The following LRRC4C variants were observed in gnomAD, a reference collection of about 807,000 sequenced individuals.
LRRC4C encodes the protein leucine-rich repeat-containing protein 4C.
A neutral mutation model predicts 33.6 loss-of-function variants in LRRC4C; 5 were observed. The observed-to-expected ratio is 0.15, with a 90% CI of 0.08 to 0.31. The LOEUF is 0.31. LRRC4C is among the 10% of genes least tolerant of loss of function. The pLI, the probability that LRRC4C is intolerant of heterozygous loss-of-function variation, is 1.00. For synonymous variants in LRRC4C, 329 were observed against 302.0 expected, an observed-to-expected ratio of 1.09 and a Z score of -0.93; for missense variants, 560 against 796.7, an observed-to-expected ratio of 0.70 and a Z score of 3.58.
chr11:41,187,846 G>T (rs1458471036), intron 1 of LRRC4C, among the ~76,000 whole-genome samples: 2 of 152,182 alleles, frequency 1.3e-5, no homozygotes, highest in Non-Finnish European at 2.9e-5. Context: ...TGAGCAGCAG[G>T]GTAGCAAAGA....
intron 5 of LRRC4C, among the ~76,000 whole-genome samples, chr11:40,224,568 A>T (rs918193616): frequency 6.6e-6 from 1 of 152,192 alleles, no homozygotes; most frequent in African/African-American, 2.4e-5. Context: ...TTTCCTCACT[A>T]TCTATAGGTA....
chr11:40,886,952 G>T (rs957646739), intron 2 of LRRC4C, among the ~76,000 whole-genome samples: 1 of 135,276 alleles, frequency 7.4e-6, no homozygotes, highest in Admixed American at 7.3e-5. Flanking sequence ...ATATATACAC[G>T]TGTGTGTATA....
chr11:40,591,969 T>A (rs1959078295), intron 3 of LRRC4C, among the ~76,000 whole-genome samples: 2 of 152,202 alleles, frequency 1.3e-5, no homozygotes, highest in African/African-American at 4.8e-5. Context: ...TTCCTTTGTG[T>A]TCTCTCTATG....
intron 2 of LRRC4C, among the ~76,000 whole-genome samples, chr11:40,773,703 T>C (rs1357052844): frequency 6.6e-6 from 1 of 152,062 alleles, no homozygotes; most frequent in Non-Finnish European, 1.5e-5. Context: ...CAGGATTTAA[T>C]AAAAACAGAA....
chr11:41,350,216 G>GA (rs1259006191), intron 1 of LRRC4C, among the ~76,000 whole-genome samples: 6 of 152,012 alleles, frequency 3.9e-5, no homozygotes, highest in Non-Finnish European at 1.5e-5. Flanking sequence ...AGATCTTTTT[G>GA]AAAAAATGTT....
At chr11:41,220,225 A>T (rs2136377596) in intron 1 of LRRC4C, among the ~76,000 whole-genome samples, 1 of 152,234 alleles carries the variant, frequency 6.6e-6, no homozygotes. Flanking sequence ...ACATGTACTA[A>T]CTCACTGATT....
chr11:40,300,518 A>G (rs1165857345), intron 4 of LRRC4C, among the ~76,000 whole-genome samples: 1 of 152,222 alleles, frequency 6.6e-6, no homozygotes, highest in Non-Finnish European at 1.5e-5. Flanking sequence ...CCATGTACAG[A>G]TCCAAAGAGT....
At chr11:40,420,835 C>A (rs1383598470) in intron 3 of LRRC4C, among the ~76,000 whole-genome samples, 1 of 152,144 alleles carries the variant, frequency 6.6e-6, no homozygotes, top group African/African-American at 2.4e-5. Context: ...ATACTACATC[C>A]TTGGCCAACA....
At chr11:40,634,396 G>A (rs1963768293) in intron 3 of LRRC4C, among the ~76,000 whole-genome samples, 2 of 152,104 alleles carry the variant, frequency 1.3e-5, no homozygotes, top group Admixed American at 6.5e-5. Context: ...AAGGAAGTTG[G>A]TTTTAGGGTT....
At chr11:40,622,841 A>T (rs1392059634) in intron 3 of LRRC4C, among the ~76,000 whole-genome samples, 2 of 151,882 alleles carry the variant, frequency 1.3e-5, no homozygotes, top group Non-Finnish European at 2.9e-5. Context: ...CATAGCTAGT[A>T]AAATCTTAAC....
At chr11:40,641,745 G>C (rs1942133292) in intron 3 of LRRC4C, among the ~76,000 whole-genome samples, 1 of 152,170 alleles carries the variant, frequency 6.6e-6, no homozygotes, top group African/African-American at 2.4e-5. Context: ...CTCTCCATCA[G>C]GGTTCTTGCT....
At chr11:41,263,924 G>T (rs1949064263) in intron 1 of LRRC4C, among the ~76,000 whole-genome samples, 1 of 152,004 alleles carries the variant, frequency 6.6e-6, no homozygotes, top group Non-Finnish European at 1.5e-5. Flanking sequence ...AGCATGTGCG[G>T]GATGAGATAA....
intron 1 of LRRC4C, among the ~76,000 whole-genome samples, chr11:41,423,226 T>C (rs1419730337): frequency 6.6e-6 from 1 of 151,914 alleles, no homozygotes; most frequent in African/African-American, 2.4e-5. Context: ...TGGAGACCCA[T>C]GGGTAATTGG....
intron 5 of LRRC4C, among the ~76,000 whole-genome samples, chr11:40,154,039 C>T (rs1405368199): frequency 6.6e-6 from 1 of 152,070 alleles, no homozygotes; most frequent in Non-Finnish European, 1.5e-5. Context: ...CACAGAGGCA[C>T]CAGGTAACCT....
At chr11:40,475,225 G>A (rs1370945983) in intron 3 of LRRC4C, among the ~76,000 whole-genome samples, 1 of 151,978 alleles carries the variant, frequency 6.6e-6, no homozygotes, top group Admixed American at 6.6e-5. Flanking sequence ...ATTGTAGACT[G>A]GTTAAAAAAA....
intron 1 of LRRC4C, among the ~76,000 whole-genome samples, chr11:41,395,612 AC>A (rs2138049181): frequency 6.6e-6 from 1 of 152,144 alleles, no homozygotes; most frequent in Non-Finnish European, 1.5e-5. Flanking sequence ...TATTATTAAC[AC>A]CCATTTTACA....
At chr11:40,842,727 C>T (rs1952967217) in intron 2 of LRRC4C, among the ~76,000 whole-genome samples, 1 of 152,106 alleles carries the variant, frequency 6.6e-6, no homozygotes, top group Admixed American at 6.6e-5. Flanking sequence ...TATTGTGCTA[C>T]TTACCCTATA....
rs113097382 is a variant in LRRC4C, at chr11:41,257,745, G to A, written c.-496+201686C>T. Among the ~76,000 whole-genome samples, 547 of 152,156 alleles carry A rather than the reference G, an allele frequency of 3.6e-3. 6 individuals carry two copies. The highest frequency in any genetic ancestry group is 0.013 in the African/African-American group (530 of 41,554). ...CCGATACTAAAAACTATTTCCAAAT[G>A]TGTCTTTCTGTTCTCATCCATGGCT... is the stretch of plus-strand genomic sequence containing the variant. On this transcript the variant is annotated intron_variant, in intron 1 of 6. Coordinates refer to ENST00000528697, the MANE Select transcript of LRRC4C (RefSeq NM_001258419.2).
intron 2 of LRRC4C, among the ~76,000 whole-genome samples, chr11:40,760,350 G>C (rs932294249): frequency 2.0e-5 from 3 of 150,642 alleles, no homozygotes; most frequent in Non-Finnish European, 4.4e-5. Flanking sequence ...GGAGAACTGA[G>C]CAGTTGCAAC....
Sources: allele counts gnomAD v4.1 joint callset (sites outside exome capture counted in the v4.1 genomes callset), GRCh38; gene constraint gnomAD v4.1.1; transcripts MANE v1.5; gene names NCBI Gene and HGNC (gene_info 2026-07-23, HGNC 2026-07-21).